ZNF506: variants seen among roughly 807,000 people sequenced by gnomAD.
ZNF506 encodes the protein zinc finger protein 506.
A neutral mutation model predicts 11.6 loss-of-function variants in ZNF506; 10 were observed. The ratio of observed to expected loss-of-function variants is 0.86; its 90% CI spans 0.53 to 1.46. The LOEUF is 1.46. ZNF506 is among the 40% of genes most tolerant of loss of function. The pLI is 0.00. For missense variants in ZNF506, 425 were observed against 521.2 expected, an observed-to-expected ratio of 0.82 and a Z score of 1.80; for synonymous variants, 156 against 173.3, an observed-to-expected ratio of 0.90 and a Z score of 0.78.
At chr19:19,812,097 G>C (rs1202720071) in intron 1 of ZNF506, among the ~76,000 whole-genome samples, 1 of 151,902 alleles carries the variant, frequency 6.6e-6, no homozygotes, top group Non-Finnish European at 1.5e-5. Flanking sequence ...CCAAGTACCA[G>C]GAAACTGGAG....
intron 1 of ZNF506, among the ~76,000 whole-genome samples, chr19:19,820,906 TTG>T (rs1247432382): frequency 2.7e-5 from 4 of 150,646 alleles, no homozygotes; most frequent in Admixed American, 2.0e-4. Flanking sequence ...CCCTCCCCGT[TTG>T]TGTTTTTTTA....
In ZNF506 at chr19:19,795,180, T is replaced by C; in HGVS notation, c.707A>G (p.Lys236Arg). ...AAGGTTACAGGACTGCTTATAGGCT[T>C]TGCCACATTCTTCACATTTGTAGGG... is the stretch of plus-strand genomic sequence containing the variant. ...EKPYKCEECGKAYKQSCNLTT... is the reference protein window; with the variant it reads ...EKPYKCEECGRAYKQSCNLTT... Residue 236 changes from lysine (K) to arginine (R), a missense_variant, in exon 4 of 4, where the codon AAA becomes AGA. Transcript: ENST00000540806. The C allele has an allele frequency of 6.2e-7, 1 of 1,613,872 alleles. No homozygotes were observed. Among genetic ancestry groups the C allele is most frequent in the African/African-American group, 1.3e-5 (1 of 75,056 alleles).
At chr19:19,816,018 G>A (rs1300947973) in intron 1 of ZNF506, among the ~76,000 whole-genome samples, 1 of 151,836 alleles carries the variant, frequency 6.6e-6, no homozygotes, top group Non-Finnish European at 1.5e-5. Flanking sequence ...TGTGCTCCAG[G>A]AACAGTTTAT....
rs780864092 is a variant in ZNF506, at chr19:19,821,653, C to G, written c.-50G>C. 3 of 1,613,000 alleles carry G rather than the reference C, an allele frequency of 1.9e-6. No individual in the cohort carries two copies. The highest frequency in any genetic ancestry group is 2.2e-5 in the South Asian group (2 of 91,064). On this transcript the variant is annotated 5_prime_UTR_variant, in exon 1 of 4. Coordinates refer to ENST00000540806, the MANE Select transcript of ZNF506 (RefSeq NM_001099269.3). ...CGTCCTAGCTGTGACCCTCCTAATACCTGCAGGTCACAGGGCCACAGAGGC... is the reference window on the plus strand; with the variant it reads ...CGTCCTAGCTGTGACCCTCCTAATAGCTGCAGGTCACAGGGCCACAGAGGC...
chr19:19,796,672 G>A (rs935320898), intron 3 of ZNF506: 4 of 152,182 alleles, frequency 2.6e-5, no homozygotes, highest in Admixed American at 2.0e-4. Flanking sequence ...CAAAGTGCTG[G>A]GATTACAGGC....
chr19:19,817,224 T>G (rs929909572), intron 1 of ZNF506, among the ~76,000 whole-genome samples: 1 of 152,158 alleles, frequency 6.6e-6, no homozygotes, highest in African/African-American at 2.4e-5. Context: ...AACATGCTGA[T>G]TTCAGTGTAA....
At chr19:19,804,754 C>T (rs917835252) in intron 3 of ZNF506, among the ~76,000 whole-genome samples, 2 of 152,008 alleles carry the variant, frequency 1.3e-5, no homozygotes, top group African/African-American at 2.4e-5. Flanking sequence ...TATGCAGCCA[C>T]AAAAAAGGAT....
chr19:19,821,517 G>T, intron 1 of ZNF506, 84 bp downstream of exon 1: 1 of 1,582,436 alleles, frequency 6.3e-7, no homozygotes, highest in Non-Finnish European at 8.7e-7. Flanking sequence ...CCTGAGTTCT[G>T]CCACTGCCAC....
intron 3 of ZNF506, among the ~76,000 whole-genome samples, chr19:19,802,471 CAT>C (rs563430816): frequency 1.2e-3 from 183 of 151,860 alleles, no homozygotes; most frequent in Non-Finnish European, 2.0e-3. Flanking sequence ...AAAGAATAGA[CAT>C]ATTGTTAAAT....
intron 1 of ZNF506, among the ~76,000 whole-genome samples, chr19:19,813,668 T>A (rs1166589826): frequency 6.6e-6 from 1 of 152,184 alleles, no homozygotes; most frequent in Non-Finnish European, 1.5e-5. Context: ...AATGGTAGAC[T>A]GGATAAAGAA....
intron 1 of ZNF506, among the ~76,000 whole-genome samples, chr19:19,813,998 T>C (rs2062906602): frequency 6.6e-6 from 1 of 151,514 alleles, no homozygotes; most frequent in African/African-American, 2.4e-5. Context: ...TAAAATAAAA[T>C]AAAAGATTTA....
In ZNF506 at chr19:19,800,530, C is replaced by A. The variant is rs190527718; in HGVS notation, c.227-4870G>T. Among the ~76,000 whole-genome samples the A allele has an allele frequency of 6.4e-3, 963 of 151,200 alleles. 13 individuals carry two copies. The highest frequency in any genetic ancestry group is 0.022 in the African/African-American group (905 of 41,170). ...CTCCCAGGTTCAAGCAATTCCCCTG[C>A]GTCACCCTCCTGAGTAGCTGGGACT... On this transcript the variant is annotated intron_variant, in intron 3 of 3. Coordinates refer to ENST00000540806, the MANE Select transcript of ZNF506 (RefSeq NM_001099269.3).
chr19:19,800,785 A>G lies in ZNF506; in HGVS notation c.227-5125T>C, dbSNP rs180812756. On this transcript the variant is annotated intron_variant, in intron 3 of 3. Coordinates refer to ENST00000540806, the MANE Select transcript of ZNF506 (RefSeq NM_001099269.3). ...ACACATTTTGTTATGTGTTTCCCCC[A>G]CACAAAAATAATATAGATTCATAAA... 1.9e-3 allele frequency among the ~76,000 whole-genome samples: 282 copies of G among 152,168 alleles called. 1 individual carries two copies. The highest frequency in any genetic ancestry group is 6.5e-3 in the African/African-American group (270 of 41,526).
chr19:19,806,342 C>A (rs577469334), intron 2 of ZNF506: 36 of 233,100 alleles, frequency 1.5e-4, no homozygotes, highest in Non-Finnish European at 2.6e-4. Flanking sequence ...CCACAAGCTC[C>A]AACTCCAGGA....
At chr19:19,807,582 C>G (rs1435305237) in intron 1 of ZNF506, among the ~76,000 whole-genome samples, 1 of 152,140 alleles carries the variant, frequency 6.6e-6, no homozygotes, top group African/African-American at 2.4e-5. Context: ...TCTTGGCTTA[C>G]TGGAAACACC....
At chr19:19,801,267 G>A (rs1014471674) in intron 3 of ZNF506, among the ~76,000 whole-genome samples, 1 of 152,166 alleles carries the variant, frequency 6.6e-6, no homozygotes, top group Admixed American at 6.5e-5. Flanking sequence ...AAGGCGGGTG[G>A]ATTGCCTGAG....
chr19:19,806,981 C>T lies in ZNF506; in HGVS notation c.91G>A (p.Asp31Asn). The change falls in exon 2 of 4, where the codon GAT (aspartate) becomes AAT (asparagine). Residue 31 changes from aspartate to asparagine, a missense_variant. Coordinates refer to ENST00000540806, the MANE Select transcript of ZNF506 (RefSeq NM_001099269.3). Reference sequence around the variant, plus strand: ...TTTCTGTAGTTCTCTAACATCACATCCCTATATAGATTCCGCTGTGCAGCG... The same window carrying T: ...TTTCTGTAGTTCTCTAACATCACATTCCTATATAGATTCCGCTGTGCAGCG... The part of the protein sequence containing the change: ...LDAAQRNLYR[D>N]VMLENYRNLI... 1 of 1,613,928 alleles carries T rather than the reference C, an allele frequency of 6.2e-7. No homozygotes were observed. Among genetic ancestry groups the T allele is most frequent in the Non-Finnish European group, 8.5e-7 (1 of 1,179,930 alleles).
At chr19:19,797,530 TAAC>T (rs973919690) in intron 3 of ZNF506, 2 of 148,614 alleles carry the variant, frequency 1.3e-5, no homozygotes, top group African/African-American at 4.9e-5. Context: ...AAAACGAGGA[TAAC>T]AACGAAAAAA....
Position 19,795,023 on chromosome 19 carries a change from A to G in ZNF506, c.864T>C (p.Asp288=). The G allele has an allele frequency of 6.2e-7, 1 of 1,612,294 alleles. No individual in the cohort carries two copies. Among genetic ancestry groups the G allele is most frequent in the Middle Eastern group, 1.7e-4 (1 of 6,042 alleles). Residue 288 remains aspartate, a synonymous_variant, in exon 4 of 4, where the codon GAT becomes GAC. Transcript: ENST00000540806. ...IHTGEKPYKC[D]KCGKAFISSS... ...ATGAAATAAAGGCTTTGCCACATTT[A>G]TCACACTTGTATGGTTTCTCTCCAG...
Sources: gnomAD v4.1 joint callset for allele counts (sites outside exome capture counted in the v4.1 genomes callset) on GRCh38, gnomAD v4.1.1 for gene constraint, MANE v1.5 for transcripts, NCBI Gene and HGNC (gene_info 2026-07-23, HGNC 2026-07-21) for gene names.